WDR7: variants seen among roughly 807,000 people sequenced by gnomAD.
The protein encoded by WDR7 is WD repeat domain 7, also known as WD repeat-containing protein 7.
Under a neutral mutation model 169.4 loss-of-function variants are expected in WDR7, and 46 were observed. The observed-to-expected ratio is 0.27, with a 90% CI of 0.21 to 0.35. The LOEUF is 0.35. Ranked by LOEUF, WDR7 falls within the 10% of genes least tolerant of loss-of-function variation. The pLI is 1.00. For synonymous variants in WDR7, 612 were observed against 666.8 expected, an observed-to-expected ratio of 0.92 and a Z score of 1.27; for missense variants, 1,534 against 1,859.3, an observed-to-expected ratio of 0.83 and a Z score of 3.22.
intron 13 of WDR7, among the ~76,000 whole-genome samples, chr18:56,720,446 C>G (rs1007668719): frequency 1.3e-5 from 2 of 151,508 alleles, no homozygotes; most frequent in Admixed American, 6.6e-5. Flanking sequence ...GAGACTCTGT[C>G]TTAAAAATAA....
intron 21 of WDR7, among the ~76,000 whole-genome samples, chr18:56,906,461 AC>A (rs1427621346): frequency 6.6e-6 from 1 of 152,142 alleles, no homozygotes; most frequent in Non-Finnish European, 1.5e-5. Flanking sequence ...AAGATTAGCC[AC>A]TGGTTCAAAG....
chr18:57,034,571 C>T, downstream of WDR7: 1 of 152,344 alleles, frequency 6.6e-6, no homozygotes, highest in Non-Finnish European at 1.5e-5. Flanking sequence ...CAGCCTCTGG[C>T]ACGCTTGGCT....
intron 14 of WDR7, among the ~76,000 whole-genome samples, chr18:56,754,305 G>C (rs1022214811): frequency 6.9e-6 from 1 of 145,964 alleles, no homozygotes; most frequent in Admixed American, 6.8e-5. Context: ...GTGTGTGTAT[G>C]TATATACATA....
At chr18:56,660,039 T>C (rs1175606026) in intron 1 of WDR7, among the ~76,000 whole-genome samples, 1 of 152,124 alleles carries the variant, frequency 6.6e-6, no homozygotes, top group East Asian at 1.9e-4. Context: ...TTTGAAGGTA[T>C]AGCCAGTGGA....
At chr18:56,674,563 G>T (rs1487817987) in intron 2 of WDR7, among the ~76,000 whole-genome samples, 1 of 151,894 alleles carries the variant, frequency 6.6e-6, no homozygotes, top group Non-Finnish European at 1.5e-5. Context: ...ATATATTCTA[G>T]ATACAAATCC....
chr18:56,653,209 CTTCT>C (rs577044248), intron 1 of WDR7, among the ~76,000 whole-genome samples: 314 of 151,318 alleles, frequency 2.1e-3, no homozygotes, highest in Non-Finnish European at 3.9e-3. Context: ...ATTTTTCGTT[CTTCT>C]TTTTTTTTTT....
In WDR7 at chr18:56,691,239, C is replaced by A; in HGVS notation, c.741C>A (p.Ser247=). The A allele has an allele frequency of 6.2e-7, 1 of 1,609,802 alleles. No individual in the cohort carries two copies. ...AGGTGTTCGATGCCGGAGACTATTC[C>A]TTGTTGTGTTCAGGTCCTAGTGAAA... ...YWRVFDAGDY[S]LLCSGPSENG... Residue 247 remains serine, a synonymous_variant, in exon 8 of 28, where the codon TCC becomes TCA. Transcript: ENST00000254442.
intron 15 of WDR7, among the ~76,000 whole-genome samples, 166 bp downstream of exon 15, chr18:56,757,518 A>G (rs908085337): frequency 6.6e-6 from 1 of 152,268 alleles, no homozygotes; most frequent in African/African-American, 2.4e-5. Context: ...AAAATGCCCG[A>G]TTAAAACATA....
At chr18:56,748,281 G>T (rs2043735696) in intron 14 of WDR7, among the ~76,000 whole-genome samples, 2 of 152,092 alleles carry the variant, frequency 1.3e-5, no homozygotes. Context: ...TCTTGTAAAG[G>T]TCTGTACAAT....
chr18:56,716,030 AGTGTGTGTGTGT>A (rs10572330), intron 12 of WDR7, among the ~76,000 whole-genome samples: 195 of 146,692 alleles, frequency 1.3e-3, no homozygotes, highest in African/African-American at 4.7e-3. Context: ...CATACGTAGC[AGTGTGTGTGTGT>A]GTGTGTGTGT....
intron 21 of WDR7, among the ~76,000 whole-genome samples, chr18:56,888,764 C>T (rs919820377): frequency 6.6e-6 from 1 of 152,122 alleles, no homozygotes; most frequent in South Asian, 2.1e-4. Flanking sequence ...CTCTCATTAG[C>T]TTTTTGACTT....
chr18:56,818,872 T>C (rs1464996667), intron 20 of WDR7, among the ~76,000 whole-genome samples: 1 of 152,180 alleles, frequency 6.6e-6, no homozygotes, highest in Non-Finnish European at 1.5e-5. Context: ...TTTAGAGGAA[T>C]TGTTCTAATA....
rs2047622593 is a variant in WDR7 at position 56,980,269 on chromosome 18, A to AACAGCCCCTGCAGAGGGACTGTTGTG, written c.4164+17764_4164+17765insTGACAGCCCCTGCAGAGGGACTGTTG. On this transcript the variant is annotated intron_variant, in intron 26 of 27. Coordinates refer to ENST00000254442, the MANE Select transcript of WDR7 (RefSeq NM_015285.3). The stretch of plus-strand genomic sequence containing the variant: ...TTTTTAATACAAAGGGGCTTCTTAG[A>AACAGCCCCTGCAGAGGGACTGTTGTG]ACAGCCCCTGCAGAGGGACTGTTGA... Among the ~76,000 whole-genome samples, 3 of 152,282 alleles carry AACAGCCCCTGCAGAGGGACTGTTGTG rather than the reference A, an allele frequency of 2.0e-5. No homozygotes were observed. The East Asian group carries it at 5.8e-4, about 29-fold the overall frequency.
At chr18:56,812,857 C>G (rs2044895850) in intron 19 of WDR7, among the ~76,000 whole-genome samples, 1 of 152,070 alleles carries the variant, frequency 6.6e-6, no homozygotes. Flanking sequence ...AGTACACTGA[C>G]TCACACACCA....
At chr18:56,746,244 C>T (rs1439550652) in intron 14 of WDR7, among the ~76,000 whole-genome samples, 1 of 152,158 alleles carries the variant, frequency 6.6e-6, no homozygotes, top group Non-Finnish European at 1.5e-5. Flanking sequence ...ATGTCTTCCA[C>T]TGATCTCTCT....
intron 21 of WDR7, among the ~76,000 whole-genome samples, chr18:56,920,536 C>T (rs1031167578): frequency 2.0e-5 from 3 of 152,046 alleles, no homozygotes; most frequent in Non-Finnish European, 4.4e-5. Context: ...GCACCAAATG[C>T]GAAAATCCTT....
At chr18:56,839,673 G>A (rs780974543) in intron 20 of WDR7, among the ~76,000 whole-genome samples, 3 of 152,090 alleles carry the variant, frequency 2.0e-5, no homozygotes, top group Non-Finnish European at 2.9e-5. Flanking sequence ...TTTTGAAGTC[G>A]ATAGAGTATT....
chr18:56,911,275 A>C (rs1454931363), intron 21 of WDR7, among the ~76,000 whole-genome samples: 1 of 152,134 alleles, frequency 6.6e-6, no homozygotes, highest in African/African-American at 2.4e-5. Context: ...TGACATGTTT[A>C]TTGCCTTAAC....
intron 3 of WDR7, 38 bp downstream of exon 3, chr18:56,679,476 CT>C: frequency 6.7e-7 from 1 of 1,494,446 alleles, no homozygotes; most frequent in Non-Finnish European, 9.3e-7. Flanking sequence ...TCTCATGAGT[CT>C]TTATAACTAG....
Sources: allele counts gnomAD v4.1 joint callset (sites outside exome capture counted in the v4.1 genomes callset), GRCh38; gene constraint gnomAD v4.1.1; transcripts MANE v1.5; gene names NCBI Gene and HGNC (gene_info 2026-07-23, HGNC 2026-07-21).